The following LRBA variants were observed in gnomAD, a reference collection of about 807,000 sequenced individuals.
LRBA encodes lipopolysaccharide-responsive and beige-like anchor protein.
LRBA carries 176 observed loss-of-function variants against 330.0 expected under a neutral mutation model. The observed-to-expected ratio is 0.53, with a 90% CI of 0.47 to 0.60. The LOEUF (loss-of-function observed/expected upper bound fraction) is 0.60, where lower values mean the gene tolerates loss of function less well. Among genes scored for constraint, LRBA ranks in the 20% least tolerant of loss-of-function variants. The pLI, the probability that LRBA is intolerant of heterozygous loss-of-function variation, is 0.00. For missense variants in LRBA, 3,259 were observed against 3,444.8 expected, an observed-to-expected ratio of 0.95 and a Z score of 1.35; for synonymous variants, 1,230 against 1,193.0, an observed-to-expected ratio of 1.03 and a Z score of -0.64.
chr4:150,445,929 G>A (rs1422409074), intron 44 of LRBA, among the ~76,000 whole-genome samples: 1 of 152,028 alleles, frequency 6.6e-6, no homozygotes, highest in Non-Finnish European at 1.5e-5. Flanking sequence ...ACAGCCATGA[G>A]CCACCACCCT....
chr4:150,795,476 T>G (rs1156595577), intron 34 of LRBA, among the ~76,000 whole-genome samples: 1 of 151,980 alleles, frequency 6.6e-6, no homozygotes, highest in Non-Finnish European at 1.5e-5. Flanking sequence ...AAATTGATCT[T>G]TGGAACTTCA....
chr4:151,001,227 G>A (rs1396897966), intron 2 of LRBA, among the ~76,000 whole-genome samples: 1 of 152,188 alleles, frequency 6.6e-6, no homozygotes. Flanking sequence ...CACCAGGACT[G>A]AGGCACAAGC....
At chr4:150,333,740 G>C (rs1734283125) in intron 48 of LRBA, among the ~76,000 whole-genome samples, 1 of 152,058 alleles carries the variant, frequency 6.6e-6, no homozygotes, top group African/African-American at 2.4e-5. Flanking sequence ...GTCCTTTGGA[G>C]GTATGGTTCA....
intron 40 of LRBA, among the ~76,000 whole-genome samples, chr4:150,503,791 G>A (rs1053483512): frequency 2.0e-5 from 3 of 151,960 alleles, no homozygotes; most frequent in Admixed American, 6.5e-5. Flanking sequence ...ATCAAACTAC[G>A]CTGAGCTACA....
chr4:150,464,657 CCTT>C (rs1561214849), intron 44 of LRBA, among the ~76,000 whole-genome samples: 1 of 151,912 alleles, frequency 6.6e-6, no homozygotes, highest in African/African-American at 2.4e-5. Flanking sequence ...TAGTTGGACT[CCTT>C]CATACGTTTG....
intron 2 of LRBA, among the ~76,000 whole-genome samples, chr4:150,987,491 C>T (rs1427427536): frequency 6.6e-6 from 1 of 151,874 alleles, no homozygotes; most frequent in Non-Finnish European, 1.5e-5. Context: ...CCACTTAGTC[C>T]AGTCAGGAGC....
intron 42 of LRBA, among the ~76,000 whole-genome samples, chr4:150,477,764 T>C (rs1278704728): frequency 6.6e-6 from 1 of 151,798 alleles, no homozygotes; most frequent in African/African-American, 2.4e-5. Context: ...ACAACCCCCC[T>C]CCCCGCTTCT....
chr4:150,886,269 C>G (rs1401786199), intron 17 of LRBA, among the ~76,000 whole-genome samples: 1 of 152,156 alleles, frequency 6.6e-6, no homozygotes, highest in Non-Finnish European at 1.5e-5. Context: ...ATGTCAGAAG[C>G]TCGGGTGGCA....
chr4:150,647,357 T>TTC (rs1554072194), intron 37 of LRBA, among the ~76,000 whole-genome samples: 2 of 133,598 alleles, frequency 1.5e-5, no homozygotes, highest in Admixed American at 7.5e-5. Context: ...TTTTTCTTTT[T>TTC]TTTTTTTTTT....
chr4:150,497,209 A>G (rs192832415), intron 40 of LRBA, among the ~76,000 whole-genome samples: 2 of 152,294 alleles, frequency 1.3e-5, no homozygotes, highest in East Asian at 3.9e-4. Context: ...CTGAAGGTAG[A>G]TATCAAAGCA....
intron 2 of LRBA, among the ~76,000 whole-genome samples, chr4:150,931,870 A>C (rs752361953): frequency 1.3e-5 from 2 of 152,206 alleles, no homozygotes; most frequent in Non-Finnish European, 2.9e-5. Context: ...TAAGATTTAA[A>C]TGTAAAACTG....
chr4:150,790,768 T>C (rs1164918464), intron 34 of LRBA, among the ~76,000 whole-genome samples: 1 of 152,186 alleles, frequency 6.6e-6, no homozygotes, highest in Non-Finnish European at 1.5e-5. Flanking sequence ...TCAACTGTTT[T>C]TACTGCGCAC....
chr4:150,308,026 G>A (rs1730582750), intron 52 of LRBA, among the ~76,000 whole-genome samples: 1 of 152,050 alleles, frequency 6.6e-6, no homozygotes. Flanking sequence ...ACTATATTAA[G>A]GCAGGAGTAT....
At chr4:150,356,221 G>A (rs1355278984) in intron 47 of LRBA, among the ~76,000 whole-genome samples, 2 of 151,974 alleles carry the variant, frequency 1.3e-5, no homozygotes, top group Non-Finnish European at 2.9e-5. Context: ...GATTGAATAT[G>A]TGGATCACAT....
At chr4:150,353,467 C>G (rs1737429075) in intron 47 of LRBA, among the ~76,000 whole-genome samples, 1 of 152,098 alleles carries the variant, frequency 6.6e-6, no homozygotes, top group Non-Finnish European at 1.5e-5. Flanking sequence ...AATGAATTTT[C>G]TCAATATTAA....
intron 15 of LRBA, 71 bp from the exon 16 acceptor site, chr4:150,896,527 G>A: frequency 1.3e-6 from 1 of 778,156 alleles, no homozygotes; most frequent in South Asian, 1.7e-5. Context: ...TATACACATA[G>A]ATTTGTCAAG....
chr4:150,806,737 A>G (rs962269534), intron 32 of LRBA, among the ~76,000 whole-genome samples: 1 of 151,884 alleles, frequency 6.6e-6, no homozygotes, highest in South Asian at 2.1e-4. Context: ...TCTTCAACAA[A>G]TTTTTCTATT....
chr4:150,598,235 T>A (rs1021269374), intron 38 of LRBA, among the ~76,000 whole-genome samples: 1 of 152,174 alleles, frequency 6.6e-6, no homozygotes, highest in Non-Finnish European at 1.5e-5. Context: ...ATAATTTTAA[T>A]GTGGGGAGGA....
intron 37 of LRBA, among the ~76,000 whole-genome samples, chr4:150,655,673 T>C (rs1780114610): frequency 6.6e-6 from 1 of 152,242 alleles, no homozygotes; most frequent in East Asian, 1.9e-4. Context: ...TGGCCAGTGC[T>C]GTTTCTGTCT....
Sources: allele counts gnomAD v4.1 joint callset (sites outside exome capture counted in the v4.1 genomes callset), GRCh38; gene constraint gnomAD v4.1.1; transcripts MANE v1.5; gene names NCBI Gene and HGNC (gene_info 2026-07-23, HGNC 2026-07-21).